Variants in HECTD4 observed in about 807,000 individuals in gnomAD.
HECTD4 encodes the protein probable E3 ubiquitin-protein ligase HECTD4.
In HECTD4, 114 loss-of-function variants were observed where a neutral mutation model predicts 471.5. That is an observed-to-expected ratio of 0.24 (90% confidence interval 0.21 to 0.28). HECTD4 has a LOEUF of 0.28. Among genes scored for constraint, HECTD4 ranks in the 10% least tolerant of loss-of-function variants. HECTD4 has a pLI of 1.00. For synonymous variants in HECTD4, 2,012 were observed against 2,256.0 expected (o/e 0.89, Z 3.07); for missense variants, 3,866 against 5,651.5 (o/e 0.68, Z 10.13).
At chr12:112,376,114 C>G (rs1222666905) in intron 1 of HECTD4, among the ~76,000 whole-genome samples, 7 of 152,036 alleles carry the variant, frequency 4.6e-5, no homozygotes, top group Non-Finnish European at 1.0e-4. Context: ...ATGCCTTTTG[C>G]TTTCCACCAG....
At chr12:112,219,114 CTTTT>C (rs1408600539) in intron 45 of HECTD4, among the ~76,000 whole-genome samples, 1 of 151,890 alleles carries the variant, frequency 6.6e-6, no homozygotes, top group Non-Finnish European at 1.5e-5. Context: ...AAAAAGCTTT[CTTTT>C]TGTTATTGAC....
chr12:112,333,737 T>C (rs1423604649), intron 1 of HECTD4, among the ~76,000 whole-genome samples: 2 of 152,128 alleles, frequency 1.3e-5, no homozygotes, highest in African/African-American at 4.8e-5. Flanking sequence ...ACATCAAATG[T>C]TTAAGTCCAC....
At chr12:112,164,352 AC>A in intron 72 of HECTD4, 77 bp from the exon 73 acceptor site, 1 of 1,484,816 alleles carries the variant, frequency 6.7e-7, no homozygotes, top group Non-Finnish European at 9.1e-7. Context: ...GGCTGGGTAA[AC>A]CCCAAGCGCA....
chr12:112,191,013 C>A, intron 59 of HECTD4, 48 bp from the exon 60 acceptor site: 1 of 1,466,620 alleles, frequency 6.8e-7, no homozygotes, highest in South Asian at 1.3e-5. Flanking sequence ...AGCACCTGAC[C>A]CAAATAAGCC....
At chr12:112,174,104 A>C (rs968720205) in intron 66 of HECTD4, among the ~76,000 whole-genome samples, 4 of 151,754 alleles carry the variant, frequency 2.6e-5, no homozygotes, top group Non-Finnish European at 5.9e-5. Flanking sequence ...CAGCCTCCCA[A>C]GTAGCTGGGA....
intron 2 of HECTD4, among the ~76,000 whole-genome samples, chr12:112,318,826 T>C (rs529588043): frequency 1.3e-5 from 2 of 152,374 alleles, no homozygotes; most frequent in Non-Finnish European, 1.5e-5. Flanking sequence ...GTACTTCTTA[T>C]AGACAGGTAT....
chr12:112,277,373 CT>C (rs1432924230), intron 9 of HECTD4, among the ~76,000 whole-genome samples: 3 of 152,224 alleles, frequency 2.0e-5, no homozygotes, highest in African/African-American at 7.2e-5. Context: ...CCTGCTTCTC[CT>C]TTGCCTTCCG....
In HECTD4 at chr12:112,213,563, G is replaced by A. The variant is rs567750016; in HGVS notation, c.7466-913C>T. ...TCGCCGGGCTAGGTGGCAGGCACCTGTAGTCCCAGCTACTTGGGAGGCTGA... is the reference window on the plus strand; with the variant it reads ...TCGCCGGGCTAGGTGGCAGGCACCTATAGTCCCAGCTACTTGGGAGGCTGA... On this transcript the variant is annotated intron_variant, in intron 48 of 75. Transcript: ENST00000682272. The surrounding 1 kb of genome is among the most constrained non-coding windows in gnomAD (Gnocchi z 4.0). Among the ~76,000 whole-genome samples the A allele has an allele frequency of 6.6e-6, 1 of 151,942 alleles. No homozygotes were observed. The highest frequency in any genetic ancestry group is 2.1e-4 in the South Asian group (1 of 4,806).
chr12:112,223,671 TG>T (rs2033157321), intron 44 of HECTD4, among the ~76,000 whole-genome samples: 1 of 152,172 alleles, frequency 6.6e-6, no homozygotes, highest in Admixed American at 6.5e-5. Flanking sequence ...CTGCCCACCT[TG>T]GCCTCCCAAA....
chr12:112,215,115 T>C (rs2135548304), intron 48 of HECTD4, among the ~76,000 whole-genome samples: 1 of 152,230 alleles, frequency 6.6e-6, no homozygotes, highest in South Asian at 2.1e-4. Context: ...ATTGCACCAC[T>C]GCACTCCAGC....
intron 1 of HECTD4, among the ~76,000 whole-genome samples, chr12:112,361,456 T>C (rs551713204): frequency 7.0e-4 from 106 of 151,940 alleles, no homozygotes; most frequent in Middle Eastern, 3.4e-3. Context: ...TTTATTTTTG[T>C]AGAGATAGGG....
intron 22 of HECTD4, among the ~76,000 whole-genome samples, chr12:112,253,132 T>TC (rs1317700443): frequency 9.1e-5 from 13 of 142,942 alleles, no homozygotes; most frequent in African/African-American, 3.3e-4. Context: ...AATTTCTCTC[T>TC]TTTTTTTTTT....
intron 7 of HECTD4, among the ~76,000 whole-genome samples, chr12:112,283,992 T>A (rs1200585402): frequency 2.0e-5 from 3 of 151,546 alleles, no homozygotes; most frequent in Non-Finnish European, 4.4e-5. Context: ...CCTGGCTTTC[T>A]GTATTGCTAA....
chr12:112,368,748 CT>C (rs1353184244), intron 1 of HECTD4, among the ~76,000 whole-genome samples: 1 of 152,054 alleles, frequency 6.6e-6, no homozygotes, highest in Non-Finnish European at 1.5e-5. Flanking sequence ...TATTTATTGT[CT>C]CTCTTATACT....
chr12:112,258,560 CA>C lies in HECTD4; in HGVS notation c.3063del (p.Phe1021LeufsTer25). On this transcript the variant is annotated frameshift_variant, in exon 20 of 76. Transcript: ENST00000682272. LOFTEE classifies it high-confidence loss of function. ...CCACACGGGGAACAGCCCACCTCAG[CA>C]AAAACCGGACACTGGGTTTTAAGCA... The part of the protein sequence containing the change: ...ALLLKTQCPV[F>X]AEVGCSPCGA... The C allele has an allele frequency of 6.2e-7, 1 of 1,606,442 alleles. No homozygotes were observed. The highest frequency in any genetic ancestry group is 1.7e-5 in the Admixed American group (1 of 58,412).
intron 8 of HECTD4, among the ~76,000 whole-genome samples, chr12:112,282,668 C>T (rs1030858947): frequency 5.3e-5 from 8 of 152,032 alleles, no homozygotes; most frequent in Admixed American, 3.9e-4. Flanking sequence ...AAATTCTGTA[C>T]GTGTATTATC....
At chr12:112,211,806 T>C (rs1437183223) in intron 49 of HECTD4, among the ~76,000 whole-genome samples, 1 of 152,184 alleles carries the variant, frequency 6.6e-6, no homozygotes, top group Non-Finnish European at 1.5e-5. Context: ...TTTCCTGAGA[T>C]GAAGAAGACT....
At chr12:112,296,666 G>A (rs968906021) in intron 7 of HECTD4, among the ~76,000 whole-genome samples, 40 of 151,624 alleles carry the variant, frequency 2.6e-4, no homozygotes, top group Middle Eastern at 6.9e-3. Context: ...AGGTGCAGAG[G>A]GTGTAGGTGC....
chr12:112,274,883 T>C lies in HECTD4; in HGVS notation c.1765A>G (p.Ser589Gly). The C allele has an allele frequency of 6.5e-7, 1 of 1,550,216 alleles. No individual in the cohort carries two copies. Residue 589 changes from serine to glycine, a missense_variant, in exon 10 of 76, where the codon AGC (serine) becomes GGC (glycine). Physicochemically the swap from Ser to Gly is moderately conservative, Grantham distance 56. Transcript: ENST00000682272. ...ACGAGAGCACCACGCCCCAGTGAGC[T>C]TCCAGCAGCATCTATGAGATCTGCA... ...SRADLIDAAG[S>G]SLGRGALVPG...
Sources: gnomAD v4.1 joint callset for allele counts (sites outside exome capture counted in the v4.1 genomes callset) on GRCh38, gnomAD v4.1.1 for gene constraint, Gnocchi (gnomAD v3.1) non-coding constraint, MANE v1.5 for transcripts, NCBI Gene and HGNC (gene_info 2026-07-23, HGNC 2026-07-21) for gene names.